The following GPC5 variants were observed in gnomAD, a reference collection of about 807,000 sequenced individuals.
The protein encoded by GPC5 is glypican 5.
Under a neutral mutation model 53.9 loss-of-function variants are expected in GPC5, and 47 were observed. That is an observed-to-expected ratio of 0.87 (90% confidence interval 0.69 to 1.11). GPC5 has a LOEUF of 1.11. Ranked by LOEUF, GPC5 falls within the 50% of genes most tolerant of loss-of-function variation. The pLI, the probability that GPC5 is intolerant of heterozygous loss-of-function variation, is 0.00. For missense variants in GPC5, 748 were observed against 713.1 expected, an observed-to-expected ratio of 1.05 and a Z score of -0.56; for synonymous variants, 286 against 263.3, an observed-to-expected ratio of 1.09 and a Z score of -0.84.
intron 7 of GPC5, among the ~76,000 whole-genome samples, chr13:92,819,976 T>C (rs936812457): frequency 2.0e-5 from 3 of 152,108 alleles, no homozygotes; most frequent in African/African-American, 7.2e-5. Context: ...CCATTACATG[T>C]CCATACCCCA....
chr13:91,655,285 C>T (rs990389818), intron 2 of GPC5, among the ~76,000 whole-genome samples: 2 of 151,840 alleles, frequency 1.3e-5, no homozygotes, highest in Non-Finnish European at 2.9e-5. Flanking sequence ...AGGGAAAATT[C>T]TGTGTGTGTT....
chr13:92,614,515 A>G (rs1336827375), intron 7 of GPC5, among the ~76,000 whole-genome samples: 4 of 152,212 alleles, frequency 2.6e-5, no homozygotes, highest in Admixed American at 2.6e-4. Flanking sequence ...TTCAAACCAG[A>G]GTAAGTTGGA....
chr13:91,585,492 A>T (rs1383187137), intron 2 of GPC5, among the ~76,000 whole-genome samples: 1 of 152,186 alleles, frequency 6.6e-6, no homozygotes, highest in East Asian at 1.9e-4. Context: ...TCTCAAAAAC[A>T]TGGGTGAATC....
chr13:92,853,584 T>C (rs1290044597), intron 7 of GPC5, among the ~76,000 whole-genome samples: 30 of 152,116 alleles, frequency 2.0e-4, no homozygotes, highest in Admixed American at 2.0e-3. Context: ...CAAGTTCCAC[T>C]TGGAGAAACA....
At chr13:92,662,757 T>G (rs1886393192) in intron 7 of GPC5, among the ~76,000 whole-genome samples, 1 of 152,184 alleles carries the variant, frequency 6.6e-6, no homozygotes, top group Non-Finnish European at 1.5e-5. Flanking sequence ...GTCTGGATTA[T>G]AGTAGCTCTA....
At chr13:91,595,144 A>G (rs2032949880) in intron 2 of GPC5, among the ~76,000 whole-genome samples, 1 of 151,706 alleles carries the variant, frequency 6.6e-6, no homozygotes, top group African/African-American at 2.4e-5. Flanking sequence ...CCCCCTCCCG[A>G]GTAGCTGGGA....
At chr13:92,381,359 A>G (rs1415763809) in intron 7 of GPC5, among the ~76,000 whole-genome samples, 1 of 152,194 alleles carries the variant, frequency 6.6e-6, no homozygotes, top group Non-Finnish European at 1.5e-5. Context: ...GTGATGTTAA[A>G]TGGATAGATG....
At chr13:91,514,017 A>G (rs1197778286) in intron 2 of GPC5, among the ~76,000 whole-genome samples, 1 of 152,224 alleles carries the variant, frequency 6.6e-6, no homozygotes, top group African/African-American at 2.4e-5. Context: ...TATTGCATAG[A>G]TACATCACTT....
At chr13:92,715,970 T>C (rs1888315814) in intron 7 of GPC5, among the ~76,000 whole-genome samples, 1 of 152,194 alleles carries the variant, frequency 6.6e-6, no homozygotes, top group Admixed American at 6.6e-5. Context: ...TTTTAACATG[T>C]AGTTTACTTA....
At chr13:92,459,688 A>G (rs1878406085) in intron 7 of GPC5, among the ~76,000 whole-genome samples, 3 of 152,088 alleles carry the variant, frequency 2.0e-5, no homozygotes, top group Admixed American at 2.0e-4. Context: ...TTATTTAATA[A>G]TTTTCTACAT....
intron 7 of GPC5, among the ~76,000 whole-genome samples, chr13:92,278,378 G>A (rs112989195): frequency 0.028 from 4,212 of 151,976 alleles, 188 homozygotes; most frequent in African/African-American, 0.093. Context: ...ACTCATATAT[G>A]AATATTTTCC....
chr13:91,714,686 C>T (rs117764523), intron 3 of GPC5, among the ~76,000 whole-genome samples: 17 of 151,514 alleles, frequency 1.1e-4, no homozygotes, highest in African/African-American at 2.7e-4. Context: ...AGCTGTGAGT[C>T]GAGATAATAG....
intron 7 of GPC5, among the ~76,000 whole-genome samples, chr13:92,485,033 G>A (rs1566611253): frequency 6.6e-6 from 1 of 152,076 alleles, no homozygotes. Context: ...ACTGCCCCTG[G>A]CCTTGAATAG....
intron 6 of GPC5, among the ~76,000 whole-genome samples, chr13:92,076,302 G>A (rs1181767997): frequency 6.6e-6 from 1 of 151,914 alleles, no homozygotes; most frequent in Non-Finnish European, 1.5e-5. Flanking sequence ...GGATGGTCTC[G>A]ATCTCTTGAC....
intron 5 of GPC5, among the ~76,000 whole-genome samples, chr13:91,820,995 A>G (rs973276815): frequency 6.6e-6 from 1 of 152,120 alleles, no homozygotes; most frequent in South Asian, 2.1e-4. Flanking sequence ...ATAAAAAAAA[A>G]AAAGAATGTA....
At chr13:92,668,315 A>G (rs1258503573) in intron 7 of GPC5, among the ~76,000 whole-genome samples, 1 of 152,144 alleles carries the variant, frequency 6.6e-6, no homozygotes, top group African/African-American at 2.4e-5. Flanking sequence ...TTTTATATTT[A>G]TGCATAACAG....
chr13:91,699,060 G>T (rs74104976), intron 3 of GPC5, among the ~76,000 whole-genome samples: 3,022 of 152,258 alleles, frequency 0.02, 101 homozygotes, highest in African/African-American at 0.069. Flanking sequence ...AATGATACCA[G>T]AGTTGGTTCC....
chr13:92,019,708 A>C (rs1356687899), intron 6 of GPC5, among the ~76,000 whole-genome samples: 2 of 152,094 alleles, frequency 1.3e-5, no homozygotes, highest in Non-Finnish European at 2.9e-5. Flanking sequence ...TAATAACCAA[A>C]ATAAATTTGT....
chr13:92,591,737 C>T (rs1289642091), intron 7 of GPC5, among the ~76,000 whole-genome samples: 1 of 152,056 alleles, frequency 6.6e-6, no homozygotes, highest in African/African-American at 2.4e-5. Context: ...CCAACCTTTC[C>T]TCAACTCCCC....
Sources: allele counts gnomAD v4.1 joint callset (sites outside exome capture counted in the v4.1 genomes callset), GRCh38; gene constraint gnomAD v4.1.1; transcripts MANE v1.5; gene names NCBI Gene and HGNC (gene_info 2026-07-23, HGNC 2026-07-21).